BCAS3: variants seen among roughly 807,000 people sequenced by gnomAD.
BCAS3 encodes BCAS4/BCAS3 fusion.
A neutral mutation model predicts 116.1 loss-of-function variants in BCAS3; 53 were observed. The observed-to-expected ratio is 0.46, with a 90% CI of 0.37 to 0.57. The LOEUF is 0.57. BCAS3 is among the 20% of genes least tolerant of loss of function. The pLI, the probability that BCAS3 is intolerant of heterozygous loss-of-function variation, is 0.00. For missense variants in BCAS3, 917 were observed against 1,165.4 expected, an observed-to-expected ratio of 0.79 and a Z score of 3.10; for synonymous variants, 391 against 408.2, an observed-to-expected ratio of 0.96 and a Z score of 0.51.
At chr17:61,289,776 G>A (rs2052204912) in intron 22 of BCAS3, among the ~76,000 whole-genome samples, 1 of 152,144 alleles carries the variant, frequency 6.6e-6, no homozygotes, top group Admixed American at 6.5e-5. Flanking sequence ...AGGCTAAAAG[G>A]ATTTAGAAAG....
rs2056493534 is a variant in BCAS3 at position 61,333,854 on chromosome 17, A to G, written c.2426-34473A>G. On this transcript the variant is annotated intron_variant, in intron 22 of 23. Coordinates refer to ENST00000407086, the MANE Select transcript of BCAS3 (RefSeq NM_017679.5). The surrounding 1 kb of genome is among the most constrained non-coding windows in gnomAD (Gnocchi z 4.8). ...AAGCCGGTCTCAAACTCCTTACCTC[A>G]AGTGATCCGCCCATCTCGGCCTCCC... 6.6e-6 allele frequency among the ~76,000 whole-genome samples: 1 copy of G among 151,964 alleles called. No individual in the cohort carries two copies. Among genetic ancestry groups the G allele is most frequent in the African/African-American group, 2.4e-5 (1 of 41,378 alleles).
intron 11 of BCAS3, among the ~76,000 whole-genome samples, chr17:60,905,965 C>T (rs538202617): frequency 3.9e-5 from 6 of 152,130 alleles, no homozygotes; most frequent in Non-Finnish European, 8.8e-5. Flanking sequence ...GCCATGTTGC[C>T]TGCACATGTG....
At chr17:60,787,965 C>T (rs1171956850) in intron 6 of BCAS3, among the ~76,000 whole-genome samples, 1 of 150,542 alleles carries the variant, frequency 6.6e-6, no homozygotes, top group Non-Finnish European at 1.5e-5. Context: ...TGAATGGTTT[C>T]ACCATAGTAG....
intron 22 of BCAS3, among the ~76,000 whole-genome samples, chr17:61,207,513 C>G (rs1242375371): frequency 2.0e-5 from 3 of 151,942 alleles, no homozygotes; most frequent in African/African-American, 7.3e-5. Flanking sequence ...TGAAGCTGTG[C>G]TCCTAATCAC....
intron 5 of BCAS3, among the ~76,000 whole-genome samples, chr17:60,733,803 C>T (rs994060527): frequency 6.6e-6 from 1 of 152,110 alleles, no homozygotes; most frequent in Non-Finnish European, 1.5e-5. Context: ...GCATTGATCA[C>T]GCCACTGCAC....
chr17:60,680,221 A>G (rs950926342), intron 2 of BCAS3, among the ~76,000 whole-genome samples: 1 of 152,020 alleles, frequency 6.6e-6, no homozygotes, highest in Non-Finnish European at 1.5e-5. Context: ...GTTTCATGAC[A>G]TGCACATAAA....
chr17:60,949,333 G>A (rs2060704666), intron 14 of BCAS3, among the ~76,000 whole-genome samples: 1 of 151,834 alleles, frequency 6.6e-6, no homozygotes, highest in East Asian at 1.9e-4. Flanking sequence ...TCATAGCTGA[G>A]TACAGCCTTG....
intron 22 of BCAS3, among the ~76,000 whole-genome samples, chr17:61,202,833 G>T (rs558271268): frequency 6.6e-6 from 1 of 152,132 alleles, no homozygotes; most frequent in Non-Finnish European, 1.5e-5. Flanking sequence ...TGAGTCAATC[G>T]TAGAAATAAA....
chr17:60,900,065 G>A (rs1160972099), intron 10 of BCAS3: 3 of 152,508 alleles, frequency 2.0e-5, no homozygotes, highest in African/African-American at 7.3e-5. Context: ...GTTGCCTAAG[G>A]AGGGGTGAAC....
At chr17:61,304,449 A>G (rs967859165) in intron 22 of BCAS3, among the ~76,000 whole-genome samples, 1 of 152,160 alleles carries the variant, frequency 6.6e-6, no homozygotes, top group Non-Finnish European at 1.5e-5. Flanking sequence ...AGTTACCCAT[A>G]TTAGTCATAT....
At chr17:60,734,204 C>G (rs2040744063) in intron 5 of BCAS3, among the ~76,000 whole-genome samples, 1 of 152,188 alleles carries the variant, frequency 6.6e-6, no homozygotes, top group East Asian at 1.9e-4. Context: ...GATCCTAGCT[C>G]ACTACAGCTT....
intron 14 of BCAS3, among the ~76,000 whole-genome samples, chr17:60,969,220 C>G (rs1260598898): frequency 6.6e-6 from 1 of 152,118 alleles, no homozygotes. Context: ...GTGAAGCCAG[C>G]TAGCTTCTAT....
At chr17:61,336,615 C>T (rs1026372578) in intron 22 of BCAS3, among the ~76,000 whole-genome samples, 7 of 152,346 alleles carry the variant, frequency 4.6e-5, no homozygotes, top group African/African-American at 1.7e-4. Flanking sequence ...GGCTTCCCCG[C>T]AGTCACAATC....
chr17:61,273,794 T>C (rs2050519701), intron 22 of BCAS3, among the ~76,000 whole-genome samples: 1 of 150,586 alleles, frequency 6.6e-6, no homozygotes, highest in Non-Finnish European at 1.5e-5. Context: ...TATTGCTGTA[T>C]CTTCAAGTGT....
In BCAS3 at chr17:61,128,768, C is replaced by T. The variant is rs1468342514; in HGVS notation, c.2425+44204C>T. ...TGCTAGCTGGTAGAATTTTTTCCCC[C>T]AGGAAAAAAAAATCGGCAACTTTTG... On this transcript the variant is annotated intron_variant, in intron 22 of 23. Coordinates refer to ENST00000407086, the MANE Select transcript of BCAS3 (RefSeq NM_017679.5). The surrounding 1 kb of genome is among the most constrained non-coding windows in gnomAD (Gnocchi z 4.1). Among the ~76,000 whole-genome samples the T allele has an allele frequency of 2.6e-5, 4 of 151,732 alleles. No homozygotes were observed. Among genetic ancestry groups the T allele is most frequent in the South Asian group, 2.1e-4 (1 of 4,828 alleles).
chr17:61,201,414 G>A (rs1428219106), intron 22 of BCAS3, among the ~76,000 whole-genome samples: 1 of 152,244 alleles, frequency 6.6e-6, no homozygotes, highest in African/African-American at 2.4e-5. Flanking sequence ...CTGGAAAAAG[G>A]ATCCAAGAGG....
chr17:60,788,711 A>T (rs773801637), intron 6 of BCAS3, among the ~76,000 whole-genome samples: 20 of 151,880 alleles, frequency 1.3e-4, no homozygotes, highest in Non-Finnish European at 2.6e-4. Context: ...CTCATCTTCC[A>T]CTTCATCTCT....
rs940142350 is a variant in BCAS3 at position 61,248,350 on chromosome 17, T to C, written c.2426-119977T>C. Among the ~76,000 whole-genome samples the C allele has an allele frequency of 3.3e-5, 5 of 152,218 alleles. No homozygotes were observed. The highest frequency in any genetic ancestry group is 9.6e-5 in the African/African-American group (4 of 41,460). On this transcript the variant is annotated intron_variant, in intron 22 of 23. Transcript: ENST00000407086. This position sits in a 1 kb window ranked among gnomAD's most constrained non-coding sequence, Gnocchi z 4.3. ...GGTAAAGGAATATATTTGTGAATTGTGGCTGATACTACTTTAAAAAATTCC... is the reference window on the plus strand; with the variant it reads ...GGTAAAGGAATATATTTGTGAATTGCGGCTGATACTACTTTAAAAAATTCC...
chr17:60,707,971 T>C (rs1453062523), intron 4 of BCAS3, among the ~76,000 whole-genome samples: 1 of 152,130 alleles, frequency 6.6e-6, no homozygotes, highest in South Asian at 2.1e-4. Context: ...AATTTCTTAG[T>C]CTGGTTTTGG....
Sources: allele counts gnomAD v4.1 joint callset (sites outside exome capture counted in the v4.1 genomes callset), GRCh38; gene constraint gnomAD v4.1.1; non-coding constraint Gnocchi (gnomAD v3.1); transcripts MANE v1.5; gene names NCBI Gene and HGNC (gene_info 2026-07-23, HGNC 2026-07-21).